The following LPAR1 variants were observed in gnomAD, a reference collection of about 807,000 sequenced individuals.
The protein encoded by LPAR1 is LPA receptor 1.
LPAR1 carries 5 observed loss-of-function variants against 23.8 expected under a neutral mutation model. The observed-to-expected ratio is 0.21, with a 90% confidence interval of 0.11 to 0.44. LPAR1 has a LOEUF of 0.44. Among genes scored for constraint, LPAR1 ranks in the 20% least tolerant of loss-of-function variants. The pLI, the probability that LPAR1 is intolerant of heterozygous loss-of-function variation, is 0.99. For missense variants in LPAR1, 311 were observed against 482.8 expected, an observed-to-expected ratio of 0.64 and a Z score of 3.33; for synonymous variants, 160 against 164.7, an observed-to-expected ratio of 0.97 and a Z score of 0.22.
chr9:110,987,317 T>C (rs909743255), intron 2 of LPAR1, among the ~76,000 whole-genome samples: 1 of 150,600 alleles, frequency 6.6e-6, no homozygotes, highest in South Asian at 2.1e-4. Flanking sequence ...CTATATAATA[T>C]ATTGCATATA....
rs370937974 is a variant in LPAR1 at position 110,972,123 on chromosome 9, C to T, written c.-6G>A. 9 of 1,613,836 alleles carry T rather than the reference C, an allele frequency of 5.6e-6. No homozygotes were observed. Among genetic ancestry groups the T allele is most frequent in the African/African-American group, 2.7e-5 (2 of 74,908 alleles). The stretch of plus-strand genomic sequence containing the variant: ...GAAGTAGAGATGGCAGCCATGACAG[C>T]TCTGTGGTTGTAGGTGGTGAACACG... On this transcript the variant is annotated 5_prime_UTR_variant, in exon 4 of 6. Transcript: ENST00000683809.
At chr9:110,937,390 C>G (rs1410193752) in intron 5 of LPAR1, among the ~76,000 whole-genome samples, 3 of 152,154 alleles carry the variant, frequency 2.0e-5, no homozygotes, top group African/African-American at 7.2e-5. Flanking sequence ...TTCTGAAACC[C>G]AAGTGCCCAA....
At chr9:110,956,790 A>G (rs887961860) in intron 4 of LPAR1, among the ~76,000 whole-genome samples, 24 of 148,610 alleles carry the variant, frequency 1.6e-4, no homozygotes, top group African/African-American at 5.7e-4. Context: ...CTGAATCAGT[A>G]ATAAAAAGTC....
At chr9:111,025,897 T>C (rs147622363) in intron 2 of LPAR1, among the ~76,000 whole-genome samples, 235 of 152,328 alleles carry the variant, frequency 1.5e-3, no homozygotes, top group African/African-American at 5.4e-3. Flanking sequence ...TTATGTTCCA[T>C]TGGTCTTTAT....
chr9:111,003,379 G>C (rs2097163225), intron 2 of LPAR1, among the ~76,000 whole-genome samples: 1 of 152,098 alleles, frequency 6.6e-6, no homozygotes, highest in Admixed American at 6.6e-5. Flanking sequence ...TCAAGTAAAA[G>C]CCCGCAAGAG....
chr9:110,949,466 C>T (rs2095500647), intron 4 of LPAR1, among the ~76,000 whole-genome samples: 1 of 152,220 alleles, frequency 6.6e-6, no homozygotes, highest in Non-Finnish European at 1.5e-5. Context: ...AACATGCACA[C>T]TTGACTAGAA....
In LPAR1 at chr9:110,972,163, G is replaced by C; in HGVS notation, c.-46C>G. 1 of 1,581,210 alleles carries C rather than the reference G, an allele frequency of 6.3e-7. No homozygotes were observed. The highest frequency in any genetic ancestry group is 8.7e-7 in the Non-Finnish European group (1 of 1,150,144). On this transcript the variant is annotated 5_prime_UTR_variant, in exon 4 of 6. Transcript: ENST00000683809. ...TGGTGAACACGCCCCAGAACTACGG[G>C]AGACAAATTTTCTTGTTTGCTGATC...
At chr9:111,003,444 T>C (rs377157033) in intron 2 of LPAR1, among the ~76,000 whole-genome samples, 1 of 152,102 alleles carries the variant, frequency 6.6e-6, no homozygotes, top group African/African-American at 2.4e-5. Context: ...CTAGGGACAA[T>C]GAATGTAATT....
intron 4 of LPAR1, among the ~76,000 whole-genome samples, chr9:110,943,422 A>ATACT (rs1482043878): frequency 1.3e-5 from 2 of 152,098 alleles, no homozygotes; most frequent in Non-Finnish European, 2.9e-5. Context: ...ACAACGTGAA[A>ATACT]TACTTAAGTG....
chr9:110,930,314 G>A (rs1223789302), intron 5 of LPAR1, among the ~76,000 whole-genome samples: 1 of 151,718 alleles, frequency 6.6e-6, no homozygotes, highest in Non-Finnish European at 1.5e-5. Context: ...TTGAGAGTTC[G>A]ATACCACCCT....
intron 2 of LPAR1, among the ~76,000 whole-genome samples, chr9:111,020,760 G>T (rs541816744): frequency 6.6e-6 from 1 of 152,180 alleles, no homozygotes; most frequent in South Asian, 2.1e-4. Flanking sequence ...CCCCTGCCTT[G>T]TCTCAGATCA....
intron 4 of LPAR1, among the ~76,000 whole-genome samples, chr9:110,971,785 T>C (rs2096432595): frequency 7.0e-6 from 1 of 142,966 alleles, no homozygotes; most frequent in Admixed American, 7.3e-5. Flanking sequence ...ACTACTGACT[T>C]ACTTTGATTT....
Position 110,972,685 on chromosome 9 carries a change from G to A in LPAR1, c.-103-465C>T, listed in dbSNP as rs138031532. 1.4e-4 allele frequency among the ~76,000 whole-genome samples: 21 copies of A among 152,244 alleles called. No individual in the cohort carries two copies. In the East Asian group the frequency reaches 2.7e-3, roughly 20 times the overall value. ...TAGTGGGTCAGGTGCAGTGGCTCACGCCTATAATCTCAGCTCTTTGGGAAG... is the reference window on the plus strand; with the variant it reads ...TAGTGGGTCAGGTGCAGTGGCTCACACCTATAATCTCAGCTCTTTGGGAAG... On this transcript the variant is annotated intron_variant, in intron 3 of 5. Transcript: ENST00000683809.
chr9:111,038,626 C>T (rs2097945815), upstream of LPAR1: 1 of 455,292 alleles, frequency 2.2e-6, no homozygotes, highest in Non-Finnish European at 4.4e-6. The surrounding 1 kb of genome is among the most constrained non-coding windows in gnomAD (Gnocchi z 4.4). Flanking sequence ...AGTCCGCCCT[C>T]CCCGCTCCCA....
intron 4 of LPAR1, among the ~76,000 whole-genome samples, chr9:110,960,306 T>C (rs1564172134): frequency 6.6e-6 from 1 of 152,200 alleles, no homozygotes; most frequent in Non-Finnish European, 1.5e-5. Context: ...ATATCACATG[T>C]ACCCTGTAAA....
At chr9:110,939,506 C>G (rs1361452912) in intron 5 of LPAR1, among the ~76,000 whole-genome samples, 1 of 152,092 alleles carries the variant, frequency 6.6e-6, no homozygotes, top group African/African-American at 2.4e-5. Flanking sequence ...GTGGAGTATA[C>G]TAGTTTAAAT....
rs374432519 is a variant in LPAR1 at position 110,941,386 on chromosome 9, T to G, written c.793+35A>C. On this transcript the variant is annotated intron_variant, in intron 5 of 5. Transcript: ENST00000683809. This position sits in a 1 kb window ranked among gnomAD's most constrained non-coding sequence, Gnocchi z 6.1. ...TGTGGTTTATGTTAGTCACTGAGAA[T>G]CTATAAAGTAAGTTACAGTCAAGAC... 5.3e-5 allele frequency: 83 copies of G among 1,552,388 alleles called. No individual in the cohort carries two copies. Among genetic ancestry groups the G allele is most frequent in the South Asian group, 2.5e-5 (2 of 81,630 alleles).
chr9:110,976,230 C>T (rs756351078), intron 2 of LPAR1, among the ~76,000 whole-genome samples: 6 of 151,028 alleles, frequency 4.0e-5, no homozygotes, highest in African/African-American at 1.5e-4. Flanking sequence ...TGGTGGTTCA[C>T]GTCTGTAATC....
intron 5 of LPAR1, among the ~76,000 whole-genome samples, chr9:110,923,468 C>T (rs1361725201): frequency 6.6e-6 from 1 of 152,044 alleles, no homozygotes; most frequent in East Asian, 1.9e-4. Context: ...GTACAATAGG[C>T]TTTGTGTTAG....
Sources: gnomAD v4.1 joint callset for allele counts (sites outside exome capture counted in the v4.1 genomes callset) on GRCh38, gnomAD v4.1.1 for gene constraint, Gnocchi (gnomAD v3.1) non-coding constraint, MANE v1.5 for transcripts, NCBI Gene and HGNC (gene_info 2026-07-23, HGNC 2026-07-21) for gene names.